The following HS3ST4 variants were observed in gnomAD, a reference collection of about 807,000 sequenced individuals.
HS3ST4 encodes heparan sulfate glucosamine 3-O-sulfotransferase 4.
HS3ST4 carries 17 observed loss-of-function variants against 29.2 expected under a neutral mutation model. The ratio of observed to expected loss-of-function variants is 0.58; its 90% CI spans 0.40 to 0.87. HS3ST4 has a LOEUF of 0.87. HS3ST4 is among the 40% of genes least tolerant of loss of function. The pLI is 0.00. For missense variants in HS3ST4, 627 were observed against 634.5 expected, an observed-to-expected ratio of 0.99 and a Z score of 0.13; for synonymous variants, 314 against 285.7, an observed-to-expected ratio of 1.10 and a Z score of -1.00.
chr16:25,693,908 G>A (rs970621402), intron 1 of HS3ST4, among the ~76,000 whole-genome samples: 1 of 152,164 alleles, frequency 6.6e-6, no homozygotes, highest in African/African-American at 2.4e-5. Flanking sequence ...CTTTCCCACC[G>A]TCTGCCGGTG....
chr16:25,912,223 A>G (rs1394112752), intron 1 of HS3ST4, among the ~76,000 whole-genome samples: 1 of 152,122 alleles, frequency 6.6e-6, no homozygotes, highest in African/African-American at 2.4e-5. Flanking sequence ...TCTGGAATCT[A>G]CCAATATCCT....
chr16:25,950,545 TG>T (rs1214183846), intron 1 of HS3ST4, among the ~76,000 whole-genome samples: 1 of 152,140 alleles, frequency 6.6e-6, no homozygotes, highest in Non-Finnish European at 1.5e-5. Flanking sequence ...GCTTGTTTAA[TG>T]CCATACAGAT....
chr16:25,827,547 AC>A (rs1397631139), intron 1 of HS3ST4, among the ~76,000 whole-genome samples: 37 of 143,000 alleles, frequency 2.6e-4, no homozygotes, highest in African/African-American at 8.0e-4. Context: ...AAAAAAAAAA[AC>A]AACAACAAGC....
chr16:25,763,319 G>A (rs138981189), intron 1 of HS3ST4, among the ~76,000 whole-genome samples: 2 of 152,126 alleles, frequency 1.3e-5, no homozygotes, highest in African/African-American at 4.8e-5. Context: ...ATGGAAAACA[G>A]CCCAGGCAGA....
chr16:25,846,116 C>T (rs1195523944), intron 1 of HS3ST4, among the ~76,000 whole-genome samples: 1 of 152,214 alleles, frequency 6.6e-6, no homozygotes, highest in Non-Finnish European at 1.5e-5. Context: ...AGTGCGGTCT[C>T]TTTCTTGGCT....
intron 1 of HS3ST4, among the ~76,000 whole-genome samples, chr16:25,863,027 T>G (rs1157354027): frequency 6.6e-6 from 1 of 152,236 alleles, no homozygotes; most frequent in Non-Finnish European, 1.5e-5. Context: ...GTAATGGGAT[T>G]AGGCATTTCA....
intron 1 of HS3ST4, among the ~76,000 whole-genome samples, chr16:26,039,179 G>C (rs1005738748): frequency 2.0e-5 from 3 of 151,954 alleles, no homozygotes; most frequent in African/African-American, 7.3e-5. Context: ...TTAAATTACT[G>C]TCCTGTTTTT....
intron 1 of HS3ST4, among the ~76,000 whole-genome samples, chr16:26,076,098 T>C (rs1389501740): frequency 6.6e-6 from 1 of 152,182 alleles, no homozygotes; most frequent in African/African-American, 2.4e-5. Context: ...CTTCTTAGAA[T>C]TCTTGGTTTT....
At chr16:26,107,004 C>T (rs1184614147) in intron 1 of HS3ST4, among the ~76,000 whole-genome samples, 1 of 151,966 alleles carries the variant, frequency 6.6e-6, no homozygotes, top group Non-Finnish European at 1.5e-5. Flanking sequence ...AATGTTCTTC[C>T]CCGTCTTCAC....
intron 1 of HS3ST4, among the ~76,000 whole-genome samples, chr16:25,931,877 G>A (rs983609843): frequency 1.3e-5 from 2 of 152,212 alleles, no homozygotes; most frequent in Non-Finnish European, 1.5e-5. Context: ...AGCTTGGAGG[G>A]GTCACATGGC....
At chr16:25,983,164 A>C (rs1969025780) in intron 1 of HS3ST4, among the ~76,000 whole-genome samples, 1 of 152,154 alleles carries the variant, frequency 6.6e-6, no homozygotes, top group Non-Finnish European at 1.5e-5. Context: ...GGTCGCTTTC[A>C]GATCCTTCCA....
At chr16:25,846,162 C>T (rs1967464398) in intron 1 of HS3ST4, among the ~76,000 whole-genome samples, 1 of 152,152 alleles carries the variant, frequency 6.6e-6, no homozygotes, top group Non-Finnish European at 1.5e-5. Context: ...GTGCCAGTGG[C>T]ATCTGTCCTT....
chr16:25,817,799 GT>G (rs1171211430), intron 1 of HS3ST4, among the ~76,000 whole-genome samples: 3 of 152,174 alleles, frequency 2.0e-5, no homozygotes, highest in African/African-American at 7.2e-5. Flanking sequence ...GTAATTCACT[GT>G]ATATGGTTGA....
At chr16:25,900,119 G>T (rs1019330971) in intron 1 of HS3ST4, among the ~76,000 whole-genome samples, 1 of 152,286 alleles carries the variant, frequency 6.6e-6, no homozygotes, top group Admixed American at 6.5e-5. Context: ...ACTGGATTTT[G>T]TGTAATTTTA....
At chr16:25,994,606 T>G (rs1281962179) in intron 1 of HS3ST4, among the ~76,000 whole-genome samples, 3 of 152,246 alleles carry the variant, frequency 2.0e-5, no homozygotes, top group Non-Finnish European at 4.4e-5. Flanking sequence ...TTATTTGTTT[T>G]TAATGCTGAG....
intron 1 of HS3ST4, among the ~76,000 whole-genome samples, chr16:25,741,781 A>G (rs1277348681): frequency 6.6e-6 from 1 of 152,120 alleles, no homozygotes; most frequent in Non-Finnish European, 1.5e-5. Context: ...CACTATTATC[A>G]CAATCCCTTA....
chr16:25,703,951 C>G (rs1396013425), intron 1 of HS3ST4, among the ~76,000 whole-genome samples: 2 of 152,306 alleles, frequency 1.3e-5, no homozygotes, highest in South Asian at 2.1e-4. Flanking sequence ...CTATTGCTCT[C>G]CAAAGTTATC....
At chr16:25,736,839 G>T (rs1432020326) in intron 1 of HS3ST4, among the ~76,000 whole-genome samples, 1 of 151,746 alleles carries the variant, frequency 6.6e-6, no homozygotes, top group African/African-American at 2.4e-5. Context: ...GATGCTGCTG[G>T]TTTTTCTTTT....
chr16:25,759,196 A>T lies in HS3ST4; in HGVS notation c.734+66045A>T, dbSNP rs149376910. Among the ~76,000 whole-genome samples the T allele has an allele frequency of 2.5e-3, 381 of 152,292 alleles. 2 individuals carry two copies. The highest frequency in any genetic ancestry group is 8.8e-3 in the African/African-American group (365 of 41,570). ...TGACAAATGATCAGAGCTCTTTTAA[A>T]TAAAGCAATTTACTAAAAATTACAA... On this transcript the variant is annotated intron_variant, in intron 1 of 1. Coordinates refer to ENST00000331351, the MANE Select transcript of HS3ST4 (RefSeq NM_006040.3).
Sources: gnomAD v4.1 joint callset for allele counts (sites outside exome capture counted in the v4.1 genomes callset) on GRCh38, gnomAD v4.1.1 for gene constraint, MANE v1.5 for transcripts, NCBI Gene and HGNC (gene_info 2026-07-23, HGNC 2026-07-21) for gene names.